Variants in PTPRB observed in about 807,000 individuals in gnomAD.
The protein encoded by PTPRB is receptor-type tyrosine-protein phosphatase beta.
PTPRB carries 97 observed loss-of-function variants against 238.1 expected under a neutral mutation model. That is an observed-to-expected ratio of 0.41 (90% CI 0.35 to 0.48). The LOEUF (loss-of-function observed/expected upper bound fraction) is 0.48, where lower values mean the gene tolerates loss of function less well. PTPRB is among the 20% of genes least tolerant of loss of function. The probability of loss-of-function intolerance (pLI) is 0.30; values close to 1 mark genes in which losing one functional copy is unlikely to be tolerated. For missense variants in PTPRB, 2,292 were observed against 2,681.9 expected (o/e 0.85, Z 3.21); for synonymous variants, 970 against 995.4 (o/e 0.97, Z 0.48).
At chr12:70,624,557 G>T (rs143516112) in intron 2 of PTPRB, among the ~76,000 whole-genome samples, 218 of 152,248 alleles carry the variant, frequency 1.4e-3, no homozygotes, top group Non-Finnish European at 2.2e-3. Flanking sequence ...TCTTAATTCT[G>T]CAGTCTTGCT....
rs114479062 is a variant in PTPRB at position 70,575,023 on chromosome 12, G to T, written c.2842+1359C>A. Among the ~76,000 whole-genome samples, 528 of 152,286 alleles carry T rather than the reference G, an allele frequency of 3.5e-3. 2 individuals are homozygous for T. The highest frequency in any genetic ancestry group is 0.012 in the African/African-American group (510 of 41,574). On this transcript the variant is annotated intron_variant, in intron 11 of 33. Transcript: ENST00000334414. The stretch of plus-strand genomic sequence containing the variant: ...TCCAAGTTGATCAATATGAGACCCT[G>T]ACATAAGACTGCTTTGTAAATAGAA...
chr12:70,538,433 C>G (rs1874519811), intron 27 of PTPRB: 1 of 533,208 alleles, frequency 1.9e-6, no homozygotes, highest in Admixed American at 3.6e-5. Flanking sequence ...ACACAGGAGA[C>G]AACATGAAGC....
chr12:70,583,042 C>A (rs1303033714), intron 9 of PTPRB, among the ~76,000 whole-genome samples: 1 of 152,112 alleles, frequency 6.6e-6, no homozygotes, highest in Non-Finnish European at 1.5e-5. Flanking sequence ...AATTTTAAAA[C>A]AAACTGCTAA....
chr12:70,580,945 C>T (rs1363788863), intron 10 of PTPRB, 91 bp downstream of exon 10: 1 of 1,411,346 alleles, frequency 7.1e-7, no homozygotes, highest in African/African-American at 1.4e-5. Flanking sequence ...AGGGATGAGT[C>T]TGATTTTAGG....
chr12:70,580,062 AACAT>A (rs1375661228), intron 10 of PTPRB, among the ~76,000 whole-genome samples: 1 of 151,468 alleles, frequency 6.6e-6, no homozygotes, highest in Non-Finnish European at 1.5e-5. Flanking sequence ...CTAAGAAATG[AACAT>A]ACATTTTATA....
At chr12:70,568,790 G>C (rs1347501627) in intron 14 of PTPRB, among the ~76,000 whole-genome samples, 1 of 152,112 alleles carries the variant, frequency 6.6e-6, no homozygotes, top group Non-Finnish European at 1.5e-5. Context: ...CGAGGTTTGG[G>C]GCCAGACAGA....
Position 70,581,118 on chromosome 12 carries a change from C to T in PTPRB, c.2496G>A (p.Lys832=), listed in dbSNP as rs1231072519. 12 of 1,613,906 alleles carry T rather than the reference C, an allele frequency of 7.4e-6. No individual in the cohort carries two copies. The highest frequency in any genetic ancestry group is 1.3e-5 in the African/African-American group (1 of 74,918). The change falls in exon 10 of 34, where the codon AAG becomes AAA. Residue 832 remains lysine, a synonymous_variant. Transcript: ENST00000334414. ...ETSRYSFHSL[K]SGSLYSVVVT... is the part of the protein sequence containing the mutation. The stretch of plus-strand genomic sequence containing the variant: ...CCACCACGGAGTACAGGCTGCCGGA[C>T]TTGAGAGAGTGGAAGCTGTATCTGC...
rs1257846131 is a variant in PTPRB at position 70,515,919 on chromosome 12, TGC to T, written c.*5568_*5569del. On this transcript the variant is annotated 3_prime_UTR_variant, in exon 34 of 34. Coordinates refer to ENST00000334414, the MANE Select transcript of PTPRB (RefSeq NM_001109754.4). Reference sequence around the variant, plus strand: ...TGTACTAGTGAGAATGTATGCAAGATGCTATATAGATTTTTTTTTTACCACAG... The same window carrying T: ...TGTACTAGTGAGAATGTATGCAAGATTATATAGATTTTTTTTTTACCACAG... 7.9e-5 allele frequency: 9 copies of T among 114,578 alleles called. No individual in the cohort carries two copies. The East Asian group carries it at 3.0e-3, about 38-fold the overall frequency. The allele number at this position is 114,578 out of a possible 1,614,324, so 7.1% of individuals were successfully genotyped here.
chr12:70,569,886 G>T lies in PTPRB; in HGVS notation c.3423C>A (p.Ser1141Arg), dbSNP rs544813915. 55 of 1,612,898 alleles carry T rather than the reference G, an allele frequency of 3.4e-5. No individual in the cohort carries two copies. The East Asian group carries it at 1.2e-3, about 35-fold the overall frequency. ...CACCAGGAGTCCAGTTCACCGTCAG[G>T]CTATCTGTTGCTCCATTGGGAGAAA... ...IHISPNGATD[S>R]LTVNWTPGGG... Residue 1141 changes from serine (S) to arginine (R), a missense_variant, in exon 14 of 34, where the codon AGC (serine) becomes AGA (arginine). Physicochemically the swap from Ser to Arg is moderately radical, Grantham distance 110. Transcript: ENST00000334414.
At chr12:70,561,203 T>C (rs1358474104) in intron 16 of PTPRB, among the ~76,000 whole-genome samples, 2 of 152,172 alleles carry the variant, frequency 1.3e-5, no homozygotes, top group Non-Finnish European at 2.9e-5. Context: ...AAATGATGAA[T>C]AAATCGTTGT....
At chr12:70,601,432 G>A (rs754902202) in intron 4 of PTPRB, among the ~76,000 whole-genome samples, 1 of 152,142 alleles carries the variant, frequency 6.6e-6, no homozygotes, top group Non-Finnish European at 1.5e-5. Context: ...TAAAGTCTAA[G>A]TTTCTTTCTA....
intron 11 of PTPRB, among the ~76,000 whole-genome samples, chr12:70,575,786 T>C (rs1880621047): frequency 6.6e-6 from 1 of 152,216 alleles, no homozygotes; most frequent in Non-Finnish European, 1.5e-5. Context: ...TTCCAGCACA[T>C]TGGACTGAAC....
intron 23 of PTPRB, chr12:70,540,631 T>C (rs1051831664): frequency 2.1e-6 from 1 of 485,998 alleles, no homozygotes; most frequent in Non-Finnish European, 3.6e-6. Context: ...AAGCTATAGA[T>C]GGCCCCTCAG....
chr12:70,625,616 G>A (rs1885139569), intron 2 of PTPRB, among the ~76,000 whole-genome samples: 1 of 151,624 alleles, frequency 6.6e-6, no homozygotes, highest in Admixed American at 6.6e-5. Context: ...ATTTGAAATA[G>A]TAGATCTTTG....
intron 3 of PTPRB, among the ~76,000 whole-genome samples, chr12:70,620,513 TA>T (rs1208887455): frequency 6.8e-6 from 1 of 147,900 alleles, no homozygotes; most frequent in Non-Finnish European, 1.5e-5. Context: ...TTGACACACT[TA>T]ATTTTTTTTC....
At chr12:70,603,683 C>T (rs1883708175) in intron 4 of PTPRB, among the ~76,000 whole-genome samples, 1 of 152,152 alleles carries the variant, frequency 6.6e-6, no homozygotes, top group African/African-American at 2.4e-5. Flanking sequence ...TCATATGTGA[C>T]AAAAGCTTTT....
chr12:70,558,825 C>T (rs1878071465), intron 18 of PTPRB: 1 of 162,024 alleles, frequency 6.2e-6, no homozygotes, highest in African/African-American at 2.4e-5. Context: ...ATCTGATTCC[C>T]TTAATCCTCA....
intron 4 of PTPRB, among the ~76,000 whole-genome samples, chr12:70,604,908 C>T (rs374932701): frequency 6.6e-6 from 1 of 152,154 alleles, no homozygotes; most frequent in African/African-American, 2.4e-5. Flanking sequence ...GACTTCTAGC[C>T]TCCAGGATTG....
chr12:70,616,905 T>G (rs1884705006), intron 3 of PTPRB, among the ~76,000 whole-genome samples: 6 of 152,246 alleles, frequency 3.9e-5, no homozygotes, highest in Admixed American at 2.6e-4. Flanking sequence ...AGGACCCTTA[T>G]GTATAACCAA....
Sources: gnomAD v4.1 joint callset for allele counts (sites outside exome capture counted in the v4.1 genomes callset) on GRCh38, gnomAD v4.1.1 for gene constraint, MANE v1.5 for transcripts, NCBI Gene and HGNC (gene_info 2026-07-23, HGNC 2026-07-21) for gene names.